TIMM23: variants seen among roughly 807,000 people sequenced by gnomAD.
TIMM23 encodes the protein translocase of inner mitochondrial membrane 23.
TIMM23 carries 19 observed loss-of-function variants against 30.7 expected under a neutral mutation model. The ratio of observed to expected loss-of-function variants is 0.62; its 90% CI spans 0.43 to 0.91. The LOEUF is 0.91. Ranked by LOEUF, TIMM23 falls within the 40% of genes least tolerant of loss-of-function variation. The pLI is 0.00. For missense variants in TIMM23, 202 were observed against 269.2 expected (o/e 0.75, Z 1.75); for synonymous variants, 78 against 98.5 (o/e 0.79, Z 1.23).
rs143383772 is a variant in TIMM23, at chr10:46,003,252, C to T, written c.564C>T (p.Thr188=). 4.3e-6 allele frequency: 7 copies of T among 1,613,972 alleles called. No individual in the cohort carries two copies. Among genetic ancestry groups the T allele is most frequent in the Non-Finnish European group, 4.2e-6 (5 of 1,180,004 alleles). Residue 188 remains threonine (T), a synonymous_variant, in exon 7 of 7, where the codon ACC becomes ACT. Transcript: ENST00000580018. ...ARGGLTGLTL[T]SLYALYNNWE... is the part of the protein sequence containing the mutation. ...GTGGTCTGACAGGACTAACACTTAC[C>T]AGCCTCTATGCACTATATAATAACT... is the stretch of plus-strand genomic sequence containing the variant.
At chr10:46,001,075 A>G (rs1203965147) in intron 6 of TIMM23, among the ~76,000 whole-genome samples, 12 of 152,210 alleles carry the variant, frequency 7.9e-5, no homozygotes, top group Admixed American at 7.9e-4. Flanking sequence ...CACATTAGGA[A>G]TTTGGTCTAG....
chr10:45,990,805 T>C, intron 6 of TIMM23: 1 of 375,000 alleles, frequency 2.7e-6, no homozygotes, highest in South Asian at 2.1e-5. Flanking sequence ...GTCTTACATA[T>C]TGTCTGTTGA....
At chr10:45,985,597 A>G (rs1837968676) in intron 5 of TIMM23, among the ~76,000 whole-genome samples, 156 bp downstream of exon 5, 1 of 152,250 alleles carries the variant, frequency 6.6e-6, no homozygotes, top group African/African-American at 2.4e-5. Context: ...GGGAAAGACC[A>G]TGAACTAACT....
chr10:45,975,821 G>A (rs1231435086), intron 2 of TIMM23, among the ~76,000 whole-genome samples: 2 of 152,002 alleles, frequency 1.3e-5, no homozygotes, highest in Non-Finnish European at 2.9e-5. Flanking sequence ...TTGTTTTTGA[G>A]CCAGAGTTTT....
At chr10:45,992,578 A>G (rs1321044888) in intron 6 of TIMM23, 2 of 421,598 alleles carry the variant, frequency 4.7e-6, no homozygotes, top group Non-Finnish European at 9.2e-6. Flanking sequence ...TTTTTTTTTT[A>G]AACGGAGTTT....
intron 6 of TIMM23, among the ~76,000 whole-genome samples, chr10:45,995,889 T>A (rs1256633668): frequency 1.4e-5 from 2 of 143,802 alleles, no homozygotes; most frequent in Non-Finnish European, 3.0e-5. Context: ...CTTTTAAGAC[T>A]TAAGACTCTT....
At chr10:45,974,481 C>G (rs1837606122) in intron 1 of TIMM23, among the ~76,000 whole-genome samples, 1 of 152,112 alleles carries the variant, frequency 6.6e-6, no homozygotes, top group South Asian at 2.1e-4. Context: ...AGCTCTTAGG[C>G]CAGTCTGTCT....
At chr10:45,985,744 G>T (rs1216750758) in intron 5 of TIMM23, among the ~76,000 whole-genome samples, 1 of 152,156 alleles carries the variant, frequency 6.6e-6, no homozygotes, top group African/African-American at 2.4e-5. Flanking sequence ...GGTAATTTAG[G>T]TCCAAAGTAA....
intron 4 of TIMM23, among the ~76,000 whole-genome samples, chr10:45,983,502 A>G (rs1837905677): frequency 6.6e-6 from 1 of 152,222 alleles, no homozygotes; most frequent in Non-Finnish European, 1.5e-5. Flanking sequence ...AAGGATCGGA[A>G]AGTATGTTTT....
chr10:45,992,357 G>A (rs1838190600), intron 6 of TIMM23: 1 of 453,990 alleles, frequency 2.2e-6, no homozygotes, highest in Non-Finnish European at 4.4e-6. Context: ...GCTTTTCTGT[G>A]GGTGGGAGGA....
intron 6 of TIMM23, 123 bp downstream of exon 6, chr10:45,988,970 TTTTGG>T: frequency 2.4e-6 from 2 of 828,826 alleles, no homozygotes; most frequent in Non-Finnish European, 1.9e-6. Flanking sequence ...TTTATGGTTA[TTTTGG>T]TTTGGTTTGG....
intron 5 of TIMM23, among the ~76,000 whole-genome samples, chr10:45,986,498 G>T (rs75498365): frequency 6.6e-6 from 1 of 150,974 alleles, no homozygotes; most frequent in African/African-American, 2.4e-5. Flanking sequence ...ATCAAGAAGG[G>T]TGTTCTGCTC....
chr10:45,992,454 C>T, intron 6 of TIMM23: 2 of 455,900 alleles, frequency 4.4e-6, no homozygotes, highest in Non-Finnish European at 8.8e-6. Context: ...GTAGACTCTC[C>T]TTAGGAGAAT....
chr10:45,999,879 C>G (rs1838470630), intron 6 of TIMM23, among the ~76,000 whole-genome samples: 1 of 152,278 alleles, frequency 6.6e-6, no homozygotes, highest in South Asian at 2.1e-4. Context: ...CCTATACCCC[C>G]AGGCGCGTAT....
At chr10:45,991,234 A>G (rs1371552761) in intron 6 of TIMM23, among the ~76,000 whole-genome samples, 74 of 152,362 alleles carry the variant, frequency 4.9e-4, no homozygotes, top group Middle Eastern at 6.8e-3. Flanking sequence ...CTGGGAAGAT[A>G]GTTTAGGCTT....
chr10:45,973,881 G>A (rs797026621), intron 1 of TIMM23, among the ~76,000 whole-genome samples: 1 of 150,950 alleles, frequency 6.6e-6, no homozygotes, highest in South Asian at 2.1e-4. Context: ...TCAAACTCTC[G>A]AACTCAGGCC....
intron 4 of TIMM23, among the ~76,000 whole-genome samples, chr10:45,984,354 A>G (rs1476458694): frequency 2.0e-5 from 3 of 152,212 alleles, no homozygotes; most frequent in Non-Finnish European, 4.4e-5. Flanking sequence ...CTCCTAGAAA[A>G]GACAACTTGC....
At chr10:45,994,580 C>T (rs1405930362) in intron 6 of TIMM23, among the ~76,000 whole-genome samples, 1 of 116,802 alleles carries the variant, frequency 8.6e-6, no homozygotes, top group Non-Finnish European at 1.8e-5. Context: ...GCTAGGACTA[C>T]AGGCACACGC....
At chr10:45,976,562 G>C (rs1250126557) in intron 2 of TIMM23, among the ~76,000 whole-genome samples, 1 of 152,064 alleles carries the variant, frequency 6.6e-6, no homozygotes, top group Admixed American at 6.6e-5. Context: ...AGTGAGCTGA[G>C]AACACCCCAC....
Sources: allele counts gnomAD v4.1 joint callset (sites outside exome capture counted in the v4.1 genomes callset), GRCh38; gene constraint gnomAD v4.1.1; transcripts MANE v1.5; gene names NCBI Gene and HGNC (gene_info 2026-07-23, HGNC 2026-07-21).